Variants in MYCBP2 observed in about 807,000 individuals in gnomAD.
The protein encoded by MYCBP2 is E3 ubiquitin-protein ligase MYCBP2.
Under a neutral mutation model 525.3 loss-of-function variants are expected in MYCBP2, and 120 were observed. The ratio of observed to expected loss-of-function variants is 0.23; its 90% CI spans 0.20 to 0.27. MYCBP2 has a LOEUF of 0.27. Among genes scored for constraint, MYCBP2 ranks in the 10% least tolerant of loss-of-function variants. The probability of loss-of-function intolerance (pLI) is 1.00; values close to 1 mark genes in which losing one functional copy is unlikely to be tolerated. For synonymous variants in MYCBP2, 1,894 were observed against 1,955.8 expected, an observed-to-expected ratio of 0.97 and a Z score of 0.83; for missense variants, 4,149 against 5,657.1, an observed-to-expected ratio of 0.73 and a Z score of 8.55.
intron 42 of MYCBP2, among the ~76,000 whole-genome samples, chr13:77,164,827 G>C (rs1440792155): frequency 6.6e-6 from 1 of 152,126 alleles, no homozygotes; most frequent in African/African-American, 2.4e-5. Context: ...ATTTAGACAA[G>C]ATGATAGCCC....
At chr13:77,121,150 C>G (rs915276342) in intron 55 of MYCBP2, 4 of 302,838 alleles carry the variant, frequency 1.3e-5, no homozygotes, top group Non-Finnish European at 1.8e-5. Flanking sequence ...AATAAGCAAG[C>G]ACTCTCATAA....
Position 77,206,804 on chromosome 13 carries a change from C to T in MYCBP2, c.3438G>A (p.Glu1146=). ...CAACCACCGCATTGTAACACCACAGCTCTCTAGTATTTGGTCGAAACCTTT... is the reference window on the plus strand; with the variant it reads ...CAACCACCGCATTGTAACACCACAGTTCTCTAGTATTTGGTCGAAACCTTT... ...VIWRFRPNTR[E]LWCYNAVVAD... Residue 1146 remains glutamate (E), a synonymous_variant, in exon 24 of 83, where the codon GAG becomes GAA. Transcript: ENST00000544440. 1 of 1,605,694 alleles carries T rather than the reference C, an allele frequency of 6.2e-7. No homozygotes were observed. Among genetic ancestry groups the T allele is most frequent in the African/African-American group, 1.3e-5 (1 of 74,792 alleles).
At position 77,211,960 on chromosome 13, in the gene MYCBP2, T is replaced by C; in HGVS notation, c.3258A>G (p.Ile1086Met). 1 of 1,612,606 alleles carries C rather than the reference T, an allele frequency of 6.2e-7. No homozygotes were observed. The highest frequency in any genetic ancestry group is 8.5e-7 in the Non-Finnish European group (1 of 1,178,700). Reference sequence around the variant, plus strand: ...TTTGTTTATTTCTGGTATTACCTATTATGTGTTTACTGGCAAAAATTTCTG... The same window carrying C: ...TTTGTTTATTTCTGGTATTACCTATCATGTGTTTACTGGCAAAAATTTCTG... ...ATSEIFASKHIIGLVPASISE... is the reference protein window; with the variant it reads ...ATSEIFASKHMIGLVPASISE... Residue 1086 changes from isoleucine (I) to methionine (M), a missense_variant, in exon 22 of 83, where the codon ATA (isoleucine) becomes ATG (methionine). Transcript: ENST00000544440.
chr13:77,313,199 A>T (rs2080485480), intron 1 of MYCBP2, among the ~76,000 whole-genome samples: 1 of 152,114 alleles, frequency 6.6e-6, no homozygotes, highest in Non-Finnish European at 1.5e-5. Flanking sequence ...AATTTGTGGG[A>T]TGTAACTAAA....
intron 17 of MYCBP2, among the ~76,000 whole-genome samples, chr13:77,238,142 C>T (rs1415355748): frequency 6.8e-6 from 1 of 147,764 alleles, no homozygotes; most frequent in African/African-American, 2.5e-5. Flanking sequence ...ACTCGGGAGG[C>T]TGAGGCAGAA....
rs201974403 is a variant in MYCBP2, at chr13:77,286,789, A to T, written c.594+1372T>A. Among the ~76,000 whole-genome samples the T allele has an allele frequency of 3.2e-3, 135 of 41,838 alleles. 2 individuals are homozygous for T. Among genetic ancestry groups the T allele is most frequent in the East Asian group, 8.6e-3 (10 of 1,162 alleles). The allele number at this position is 41,838 out of a possible 152,430, so 27.4% of individuals were successfully genotyped here. Reference sequence around the variant, plus strand: ...AAAAAAAAAAAAAAAAAAAAAAAAAAATATATATATATATATATATATATA... The same window carrying T: ...AAAAAAAAAAAAAAAAAAAAAAAAATATATATATATATATATATATATATA... On this transcript the variant is annotated intron_variant, in intron 3 of 82. Coordinates refer to ENST00000544440, the MANE Select transcript of MYCBP2 (RefSeq NM_015057.5).
intron 68 of MYCBP2, among the ~76,000 whole-genome samples, chr13:77,072,134 A>T (rs2041424156): frequency 6.6e-6 from 1 of 151,500 alleles, no homozygotes; most frequent in Non-Finnish European, 1.5e-5. Context: ...TAAAAAAAAT[A>T]CAAAAAATTA....
At chr13:77,304,637 A>T (rs2079180373) in intron 1 of MYCBP2, among the ~76,000 whole-genome samples, 1 of 152,202 alleles carries the variant, frequency 6.6e-6, no homozygotes, top group South Asian at 2.1e-4. Context: ...TGATAAAATG[A>T]TAAATGTCGG....
At chr13:77,260,660 T>C in intron 12 of MYCBP2, 68 bp from the exon 13 acceptor site, 2 of 1,335,224 alleles carry the variant, frequency 1.5e-6, no homozygotes, top group Non-Finnish European at 1.0e-6. Flanking sequence ...GGTTTGTATA[T>C]AAAGCTAAAA....
chr13:77,298,947 G>C (rs1030598190), intron 1 of MYCBP2, among the ~76,000 whole-genome samples: 22 of 152,126 alleles, frequency 1.4e-4, no homozygotes, highest in African/African-American at 5.3e-4. Context: ...AAGCATCAGG[G>C]ATGGTCAATA....
At chr13:77,322,016 C>T (rs984643268) in intron 1 of MYCBP2, among the ~76,000 whole-genome samples, 3 of 152,050 alleles carry the variant, frequency 2.0e-5, no homozygotes, top group Non-Finnish European at 2.9e-5. Flanking sequence ...AAAAACAAGC[C>T]AGGCATGGTG....
intron 32 of MYCBP2, 74 bp from the exon 33 acceptor site, chr13:77,181,996 A>G (rs1392697455): frequency 2.6e-6 from 3 of 1,155,540 alleles, no homozygotes; most frequent in South Asian, 1.4e-5. Flanking sequence ...TGAATACATA[A>G]AAGGTAAACC....
chr13:77,241,983 T>C (rs772599426), intron 17 of MYCBP2, among the ~76,000 whole-genome samples: 7 of 152,068 alleles, frequency 4.6e-5, no homozygotes, highest in African/African-American at 1.7e-4. Context: ...ATTGGAGGAA[T>C]AAAATCATAG....
At chr13:77,076,974 T>C in intron 67 of MYCBP2, 125 bp from the exon 68 acceptor site, 1 of 1,128,010 alleles carries the variant, frequency 8.9e-7, no homozygotes, top group Non-Finnish European at 1.3e-6. Context: ...CACCACTATT[T>C]TTCTTAATTA....
intron 26 of MYCBP2, among the ~76,000 whole-genome samples, chr13:77,194,568 T>G (rs918182072): frequency 1.3e-5 from 2 of 152,080 alleles, no homozygotes; most frequent in Non-Finnish European, 1.5e-5. Flanking sequence ...AACAAAAAAT[T>G]TTAACTAAGT....
intron 52 of MYCBP2, among the ~76,000 whole-genome samples, chr13:77,135,132 A>G (rs2053546267): frequency 6.6e-6 from 1 of 152,220 alleles, no homozygotes; most frequent in Non-Finnish European, 1.5e-5. Context: ...AAAAGGTTGA[A>G]GAGATAGACA....
chr13:77,273,189 A>T (rs1182049269), intron 5 of MYCBP2, among the ~76,000 whole-genome samples: 1 of 152,220 alleles, frequency 6.6e-6, no homozygotes, highest in Non-Finnish European at 1.5e-5. Flanking sequence ...GAGAACGCAG[A>T]CAGCAAGAAA....
chr13:77,294,109 T>TATATATATATAC (rs2077805459), intron 2 of MYCBP2, among the ~76,000 whole-genome samples: 3 of 52,404 alleles, frequency 5.7e-5, no homozygotes, highest in East Asian at 4.0e-4. Context: ...AATGGCTATA[T>TATATATATATAC]ATATATATAT....
intron 26 of MYCBP2, among the ~76,000 whole-genome samples, chr13:77,199,641 T>C (rs1002013708): frequency 2.0e-5 from 3 of 152,234 alleles, no homozygotes; most frequent in African/African-American, 4.8e-5. Context: ...TAAATGTCCC[T>C]GTCTGACAGC....
Sources: allele counts gnomAD v4.1 joint callset (sites outside exome capture counted in the v4.1 genomes callset), GRCh38; gene constraint gnomAD v4.1.1; transcripts MANE v1.5; gene names NCBI Gene and HGNC (gene_info 2026-07-23, HGNC 2026-07-21).